Variants in TTC23 observed in about 807,000 individuals in gnomAD.
The protein encoded by TTC23 is tetratricopeptide repeat domain 23, also known as tetratricopeptide repeat protein 23.
Under a neutral mutation model 55.1 loss-of-function variants are expected in TTC23, and 58 were observed. The ratio of observed to expected loss-of-function variants is 1.05; its 90% CI spans 0.85 to 1.31. The LOEUF is 1.31. Among genes scored for constraint, TTC23 ranks in the 50% most tolerant of loss-of-function variants. The pLI, the probability that TTC23 is intolerant of heterozygous loss-of-function variation, is 0.00. For missense variants in TTC23, 516 were observed against 534.4 expected (o/e 0.97, Z 0.34); for synonymous variants, 203 against 199.9 (o/e 1.02, Z -0.13).
At chr15:99,198,320 T>C (rs2075914422) in intron 9 of TTC23, among the ~76,000 whole-genome samples, 1 of 152,188 alleles carries the variant, frequency 6.6e-6, no homozygotes, top group Non-Finnish European at 1.5e-5. Flanking sequence ...TACTCAGCAG[T>C]CCAGGCCAGA....
chr15:99,208,784 T>A, intron 8 of TTC23, among the ~76,000 whole-genome samples: 1 of 152,252 alleles, frequency 6.6e-6, no homozygotes, highest in East Asian at 1.9e-4. Flanking sequence ...AACTAAATTA[T>A]AGTCTTACAT....
chr15:99,193,249 G>C (rs914724985), intron 9 of TTC23, among the ~76,000 whole-genome samples: 7 of 152,194 alleles, frequency 4.6e-5, no homozygotes, highest in Non-Finnish European at 1.5e-5. Flanking sequence ...TTTGAAATGT[G>C]AAGATATTAG....
chr15:99,155,994 G>A (rs962740490), intron 12 of TTC23, 154 bp downstream of exon 12: 4 of 950,178 alleles, frequency 4.2e-6, no homozygotes, highest in Middle Eastern at 2.8e-4. Context: ...TACCCAAAAA[G>A]TATCAGGTTA....
At chr15:99,167,335 C>A (rs2072261553) in intron 10 of TTC23, among the ~76,000 whole-genome samples, 1 of 152,240 alleles carries the variant, frequency 6.6e-6, no homozygotes, top group South Asian at 2.1e-4. Flanking sequence ...CTTCTAGAAT[C>A]CTCTGCAATC....
chr15:99,172,827 A>G (rs2073111194), intron 10 of TTC23, among the ~76,000 whole-genome samples: 1 of 152,236 alleles, frequency 6.6e-6, no homozygotes, highest in African/African-American at 2.4e-5. Context: ...AGGTATTATT[A>G]TCATTTTCAA....
rs56890685 is a variant in TTC23 at position 99,204,632 on chromosome 15, GTTTT to G, written c.582-4540_582-4537del. ...TCAGAGTTTCAGTCTTAGATTTAAG[GTTTT>G]TTTTTTTTTTTTTTTTTTTAGACAG... On this transcript the variant is annotated intron_variant, in intron 8 of 13. Transcript: ENST00000394132. 2.0e-3 allele frequency among the ~76,000 whole-genome samples: 119 copies of G among 60,888 alleles called. 1 individual carries two copies. Among genetic ancestry groups the G allele is most frequent in the Non-Finnish European group, 2.6e-3 (92 of 35,216 alleles). 39.9% of individuals were successfully genotyped at this position (60,888 alleles called of 152,430 possible).
intron 4 of TTC23, among the ~76,000 whole-genome samples, chr15:99,231,029 G>A (rs1267908018): frequency 1.3e-5 from 2 of 152,166 alleles, no homozygotes; most frequent in Non-Finnish European, 2.9e-5. Flanking sequence ...AAATTACAGT[G>A]CAGCTGAAGA....
intron 8 of TTC23, among the ~76,000 whole-genome samples, chr15:99,217,030 T>A (rs1022773726): frequency 2.0e-4 from 31 of 152,288 alleles, no homozygotes; most frequent in African/African-American, 6.3e-4. Flanking sequence ...AAATGCATTC[T>A]ATAGAGCATT....
chr15:99,243,701 A>G (rs1426501141), intron 2 of TTC23, among the ~76,000 whole-genome samples: 1 of 152,202 alleles, frequency 6.6e-6, no homozygotes, highest in East Asian at 1.9e-4. Flanking sequence ...TATTATACTA[A>G]GAGAAATTAA....
intron 12 of TTC23, among the ~76,000 whole-genome samples, chr15:99,146,597 C>T (rs1228058571): frequency 6.6e-6 from 1 of 152,266 alleles, no homozygotes; most frequent in East Asian, 1.9e-4. Context: ...TTCTGCACCT[C>T]TCCAGACCTT....
At chr15:99,234,512 A>C (rs1052385441) in intron 4 of TTC23, among the ~76,000 whole-genome samples, 1 of 152,118 alleles carries the variant, frequency 6.6e-6, no homozygotes, top group Non-Finnish European at 1.5e-5. Context: ...CTGGGACTAC[A>C]GGTGCCCGCC....
At chr15:99,214,852 CTTTTTTTTTTTT>C (rs777804106) in intron 8 of TTC23, among the ~76,000 whole-genome samples, 1 of 99,876 alleles carries the variant, frequency 1.0e-5, no homozygotes, top group South Asian at 3.6e-4. Context: ...TTCTTTTCTC[CTTTTTTTTTTTT>C]TTTTTTTTGA....
At chr15:99,176,663 G>A (rs1156707941) in intron 9 of TTC23, among the ~76,000 whole-genome samples, 1 of 152,068 alleles carries the variant, frequency 6.6e-6, no homozygotes, top group Admixed American at 6.6e-5. Context: ...ATTGGGATAG[G>A]CAAAACACAC....
At chr15:99,232,246 A>C (rs1032799517) in intron 4 of TTC23, among the ~76,000 whole-genome samples, 3 of 151,798 alleles carry the variant, frequency 2.0e-5, no homozygotes, top group Non-Finnish European at 4.4e-5. Flanking sequence ...TTGGGAGGCC[A>C]AGGTGAGCGG....
chr15:99,151,090 T>C (rs1171541285), intron 12 of TTC23, among the ~76,000 whole-genome samples: 1 of 152,196 alleles, frequency 6.6e-6, no homozygotes, highest in Admixed American at 6.5e-5. Context: ...GAGGTTACCG[T>C]CTGTAACTCC....
chr15:99,238,480 T>C (rs576748570), intron 3 of TTC23, among the ~76,000 whole-genome samples: 1 of 152,262 alleles, frequency 6.6e-6, no homozygotes, highest in African/African-American at 2.4e-5. Flanking sequence ...TCATTGCTGC[T>C]GCAATGACCT....
chr15:99,141,583 T>TAAA (rs1234234710), intron 12 of TTC23, among the ~76,000 whole-genome samples: 1 of 152,188 alleles, frequency 6.6e-6, no homozygotes, highest in African/African-American at 2.4e-5. Context: ...ATCGGATGAA[T>TAAA]TGTGCTACAT....
chr15:99,156,675 C>T (rs1237008329), intron 11 of TTC23, among the ~76,000 whole-genome samples: 1 of 152,120 alleles, frequency 6.6e-6, no homozygotes, highest in Non-Finnish European at 1.5e-5. Flanking sequence ...GTAACCGCAC[C>T]CATGGTTCAA....
At chr15:99,143,669 G>A (rs2068498005) in intron 12 of TTC23, among the ~76,000 whole-genome samples, 1 of 152,166 alleles carries the variant, frequency 6.6e-6, no homozygotes, top group East Asian at 1.9e-4. Context: ...TTTATATGCA[G>A]GGTTGTGAGA....
Sources: allele counts gnomAD v4.1 joint callset (sites outside exome capture counted in the v4.1 genomes callset), GRCh38; gene constraint gnomAD v4.1.1; transcripts MANE v1.5; gene names NCBI Gene and HGNC (gene_info 2026-07-23, HGNC 2026-07-21).